CORIN: variants seen among roughly 807,000 people sequenced by gnomAD.
CORIN encodes the protein atrial natriuretic peptide-converting enzyme.
In CORIN, 117 loss-of-function variants were observed where a neutral mutation model predicts 125.3. The observed-to-expected ratio is 0.93, with a 90% confidence interval of 0.80 to 1.09. The LOEUF (loss-of-function observed/expected upper bound fraction) is 1.09, where lower values mean the gene tolerates loss of function less well. Ranked by LOEUF, CORIN falls within the 50% of genes least tolerant of loss-of-function variation. The pLI is 0.00. For synonymous variants in CORIN, 450 were observed against 466.4 expected, an observed-to-expected ratio of 0.96 and a Z score of 0.45; for missense variants, 1,253 against 1,306.7, an observed-to-expected ratio of 0.96 and a Z score of 0.63.
Position 47,791,493 on chromosome 4 carries a change from C to T in CORIN, c.209-4568G>A, listed in dbSNP as rs73814825. On this transcript the variant is annotated intron_variant, in intron 2 of 21. Transcript: ENST00000273857. ...AGGAGCAATAAAAAATTAATACAAG[C>T]ACCTTGCTAAGTTCCCTCACTATAG... Among the ~76,000 whole-genome samples the T allele has an allele frequency of 5.1e-3, 773 of 152,286 alleles. 6 individuals carry two copies. The highest frequency in any genetic ancestry group is 0.018 in the African/African-American group (752 of 41,546).
chr4:47,748,024 G>A (rs903666556), intron 4 of CORIN, among the ~76,000 whole-genome samples: 2 of 152,116 alleles, frequency 1.3e-5, no homozygotes, highest in Admixed American at 6.5e-5. Context: ...TCTAAAAATA[G>A]GGCCTAAGAA....
intron 17 of CORIN, 79 bp downstream of exon 17, chr4:47,626,325 TA>T: frequency 1.1e-6 from 1 of 875,468 alleles, no homozygotes; most frequent in Non-Finnish European, 1.9e-6. Flanking sequence ...TATCTTAAGT[TA>T]AAAAATGGAA....
At chr4:47,766,166 G>A (rs1032654226) in intron 3 of CORIN, among the ~76,000 whole-genome samples, 1 of 152,146 alleles carries the variant, frequency 6.6e-6, no homozygotes, top group Non-Finnish European at 1.5e-5. Context: ...ATCTTTTAAG[G>A]TTGTATTAGT....
chr4:47,810,807 G>C (rs778771821), intron 1 of CORIN, among the ~76,000 whole-genome samples: 1 of 152,050 alleles, frequency 6.6e-6, no homozygotes, highest in Non-Finnish European at 1.5e-5. Context: ...AACAACCATA[G>C]ATCTTTCCTC....
chr4:47,823,524 T>C (rs920351901), intron 1 of CORIN, among the ~76,000 whole-genome samples: 1 of 152,228 alleles, frequency 6.6e-6, no homozygotes, highest in East Asian at 1.9e-4. Flanking sequence ...AATGTATTTA[T>C]ATTGTGTGTG....
intron 5 of CORIN, among the ~76,000 whole-genome samples, chr4:47,733,190 A>G (rs573159531): frequency 1.3e-5 from 2 of 152,302 alleles, no homozygotes; most frequent in African/African-American, 4.8e-5. Flanking sequence ...TTAGCCCATA[A>G]CACAATTCTA....
Position 47,815,199 on chromosome 4 carries a change from A to G in CORIN, c.64-8152T>C, listed in dbSNP as rs201620381. Among the ~76,000 whole-genome samples the G allele has an allele frequency of 3.9e-4, 59 of 152,284 alleles. No homozygotes were observed. The East Asian group carries it at 8.5e-3, about 22-fold the overall frequency. On this transcript the variant is annotated intron_variant, in intron 1 of 21. Transcript: ENST00000273857. ...ATCTCCGTATCTGCAAATAAGGCAT[A>G]AAAAGGTCTTTCTCCAACCACAAAT...
At position 47,805,148 on chromosome 4, in the gene CORIN, A is replaced by AAAAAT. The variant is rs796469224; in HGVS notation, c.208+1754_208+1755insATTTT. On this transcript the variant is annotated intron_variant, in intron 2 of 21. Transcript: ENST00000273857. Reference sequence around the variant, plus strand: ...GAGACTCCATCTCAAAAAAAAAAAAAAATAATAATAATAATAATAATAATA... The same window carrying AAAAAT: ...GAGACTCCATCTCAAAAAAAAAAAAAAAAATAATAATAATAATAATAATAATAATA... 1.6e-3 allele frequency among the ~76,000 whole-genome samples: 203 copies of AAAAAT among 129,148 alleles called. 1 individual carries two copies. The highest frequency in any genetic ancestry group is 5.2e-3 in the African/African-American group (178 of 34,104). The allele number at this position is 129,148 out of a possible 152,430, so 84.7% of individuals were successfully genotyped here.
chr4:47,653,785 A>G, intron 12 of CORIN, 125 bp from the exon 13 acceptor site: 2 of 748,906 alleles, frequency 2.7e-6, no homozygotes, highest in Admixed American at 2.8e-5. Context: ...TTGCAAAACG[A>G]AATAGCCATT....
intron 5 of CORIN, chr4:47,706,500 C>T (rs1726561623): frequency 6.2e-7 from 1 of 1,611,478 alleles, no homozygotes; most frequent in African/African-American, 1.3e-5. Context: ...CCCGCCCCAC[C>T]CGGCCTGATA....
intron 5 of CORIN, among the ~76,000 whole-genome samples, chr4:47,733,504 T>C (rs994852196): frequency 1.3e-5 from 2 of 152,126 alleles, no homozygotes; most frequent in Admixed American, 1.3e-4. Context: ...GCAGAGCAAA[T>C]AAGGTGCTAT....
chr4:47,809,889 T>C (rs1255963995), intron 1 of CORIN, among the ~76,000 whole-genome samples: 1 of 152,180 alleles, frequency 6.6e-6, no homozygotes, highest in South Asian at 2.1e-4. Flanking sequence ...ACAAGGCAAC[T>C]CTCAGACTTC....
chr4:47,707,471 G>A (rs559930966), intron 5 of CORIN, among the ~76,000 whole-genome samples: 4 of 152,204 alleles, frequency 2.6e-5, no homozygotes, highest in African/African-American at 4.8e-5. Flanking sequence ...AATCCCACTC[G>A]TTTAACTTAA....
chr4:47,604,416 C>A (rs1212941569), intron 19 of CORIN, among the ~76,000 whole-genome samples: 2 of 152,140 alleles, frequency 1.3e-5, no homozygotes, highest in Non-Finnish European at 2.9e-5. Context: ...ACGCTGGTGA[C>A]CCCAAATGTA....
chr4:47,596,602 T>C (rs1481394721), intron 21 of CORIN, among the ~76,000 whole-genome samples: 1 of 152,188 alleles, frequency 6.6e-6, no homozygotes, highest in Non-Finnish European at 1.5e-5. Flanking sequence ...TAAAATGCTA[T>C]GGCATTAGAG....
chr4:47,827,022 A>G (rs1732769178), intron 1 of CORIN, among the ~76,000 whole-genome samples: 1 of 152,236 alleles, frequency 6.6e-6, no homozygotes, highest in Non-Finnish European at 1.5e-5. Flanking sequence ...CTATCTTATT[A>G]AGATTAAATT....
chr4:47,655,347 C>G (rs184893103), intron 12 of CORIN, among the ~76,000 whole-genome samples: 11 of 152,096 alleles, frequency 7.2e-5, no homozygotes, highest in Non-Finnish European at 1.3e-4. Flanking sequence ...TTGGCCACAG[C>G]GGGGTAGAAC....
chr4:47,652,453 G>A (rs569113300), intron 13 of CORIN, among the ~76,000 whole-genome samples: 1 of 152,180 alleles, frequency 6.6e-6, no homozygotes, highest in Admixed American at 6.5e-5. Flanking sequence ...TGCTTGTCAT[G>A]AAAGTGTCAA....
At chr4:47,653,822 A>C (rs573761301) in intron 12 of CORIN, among the ~76,000 whole-genome samples, 162 bp from the exon 13 acceptor site, 1 of 152,216 alleles carries the variant, frequency 6.6e-6, no homozygotes. Flanking sequence ...CTGCCTGCCA[A>C]TCAGCATCTT....
Sources: allele counts gnomAD v4.1 joint callset (sites outside exome capture counted in the v4.1 genomes callset), GRCh38; gene constraint gnomAD v4.1.1; transcripts MANE v1.5; gene names NCBI Gene and HGNC (gene_info 2026-07-23, HGNC 2026-07-21).